Variants in TBC1D19 observed in about 807,000 individuals in gnomAD.
TBC1D19 encodes TBC1 domain family member 19.
TBC1D19 carries 60 observed loss-of-function variants against 89.0 expected under a neutral mutation model. That is an observed-to-expected ratio of 0.67 (90% confidence interval 0.55 to 0.84). The LOEUF (loss-of-function observed/expected upper bound fraction) is 0.84. Ranked by LOEUF, TBC1D19 falls within the 40% of genes least tolerant of loss-of-function variation. The probability of loss-of-function intolerance (pLI) is 0.00; values close to 1 mark genes in which losing one functional copy is unlikely to be tolerated. For synonymous variants in TBC1D19, 189 were observed against 199.7 expected, an observed-to-expected ratio of 0.95 and a Z score of 0.45; for missense variants, 500 against 610.8, an observed-to-expected ratio of 0.82 and a Z score of 1.91.
chr4:26,633,395 T>C (rs1367698067), intron 4 of TBC1D19, among the ~76,000 whole-genome samples: 4 of 152,090 alleles, frequency 2.6e-5, no homozygotes, highest in African/African-American at 4.8e-5. Flanking sequence ...GTGAAGGGCA[T>C]TGTCCAATAT....
At chr4:26,585,598 T>G (rs1739362851) in intron 1 of TBC1D19, among the ~76,000 whole-genome samples, 1 of 152,156 alleles carries the variant, frequency 6.6e-6, no homozygotes, top group African/African-American at 2.4e-5. Flanking sequence ...TATCTTTTTT[T>G]TTTGAGACGG....
rs202038903 is a variant in TBC1D19 at position 26,641,003 on chromosome 4, CT to C, written c.480+817del. Among the ~76,000 whole-genome samples, 49 of 152,366 alleles carry C rather than the reference CT, an allele frequency of 3.2e-4. No homozygotes were observed. In the East Asian group the frequency reaches 6.9e-3, roughly 22 times the overall value. On this transcript the variant is annotated intron_variant, in intron 7 of 20. Transcript: ENST00000264866. Reference sequence around the variant, plus strand: ...CTGAACAAAAGGCAGCAGACAACTTCTGCAGACTTAAAACATCCCTGTCTGT... The same window carrying C: ...CTGAACAAAAGGCAGCAGACAACTTCGCAGACTTAAAACATCCCTGTCTGT...
chr4:26,857,273 CGA>C, the TBC1D19 span, among the ~76,000 whole-genome samples: 11 of 152,192 alleles, frequency 7.2e-5, no homozygotes, highest in African/African-American at 2.7e-4. Context: ...TAGCGTTTGT[CGA>C]GAGTCAGCGG....
At chr4:26,767,023 G>A in the TBC1D19 span, among the ~76,000 whole-genome samples, 2 of 152,046 alleles carry the variant, frequency 1.3e-5, no homozygotes, top group Admixed American at 6.6e-5. Context: ...AAATCTGCGA[G>A]ACCAGGCATG....
the TBC1D19 span, among the ~76,000 whole-genome samples, chr4:26,777,346 G>A: frequency 6.6e-6 from 1 of 152,006 alleles, no homozygotes; most frequent in African/African-American, 2.4e-5. Context: ...TATTGGTCAG[G>A]TTGGTCTCGA....
intron 1 of TBC1D19, among the ~76,000 whole-genome samples, chr4:26,595,420 A>T (rs1740145559): frequency 6.6e-6 from 1 of 152,128 alleles, no homozygotes; most frequent in African/African-American, 2.4e-5. Flanking sequence ...ATTTTAATGA[A>T]GTCTGATTGA....
intron 10 of TBC1D19, among the ~76,000 whole-genome samples, chr4:26,673,475 A>ACAC (rs1560463426): frequency 1.4e-5 from 2 of 148,054 alleles, no homozygotes; most frequent in African/African-American, 2.5e-5. Flanking sequence ...ACACACACAC[A>ACAC]ATACTAGTTT....
the TBC1D19 span, among the ~76,000 whole-genome samples, chr4:26,798,334 A>G: frequency 5.3e-5 from 8 of 152,308 alleles, no homozygotes; most frequent in Admixed American, 4.6e-4. Context: ...AGAAATGCAA[A>G]TTAAGACCAC....
chr4:26,598,544 G>A (rs1036127637), intron 1 of TBC1D19, among the ~76,000 whole-genome samples: 2 of 152,092 alleles, frequency 1.3e-5, no homozygotes, highest in African/African-American at 2.4e-5. Context: ...ACAGGCGCCC[G>A]CCACCACGCC....
rs1373104351 is a variant in TBC1D19, at chr4:26,620,645, C to T, written c.251C>T (p.Pro84Leu). Residue 84 changes from proline to leucine, a missense_variant, in exon 4 of 21, where the codon CCT (proline) becomes CTT (leucine). Physicochemically the swap from Pro to Leu is moderately conservative, Grantham distance 98. This residue lies in a region of TBC1D19 where 280 missense variants were observed against 291.7 expected (regional missense o/e 0.96). Coordinates refer to ENST00000264866, the MANE Select transcript of TBC1D19 (RefSeq NM_018317.4). ...TTACCTAGTCATCCTGCTGCACCTC[C>T]TGAACATCTTAAAGAACCTTTGGTA... ...FPLPSHPAAPPEHLKEPLVYM... is the reference protein window; with the variant it reads ...FPLPSHPAAPLEHLKEPLVYM... 1 of 1,613,612 alleles carries T rather than the reference C, an allele frequency of 6.2e-7. No individual in the cohort carries two copies. Among genetic ancestry groups the T allele is most frequent in the African/African-American group, 1.3e-5 (1 of 74,898 alleles).
intron 7 of TBC1D19, among the ~76,000 whole-genome samples, chr4:26,658,223 T>A (rs2109070632): frequency 6.6e-6 from 1 of 152,376 alleles, no homozygotes; most frequent in Non-Finnish European, 1.5e-5. Flanking sequence ...GTTTTAGGTC[T>A]TATGTTTAAG....
At chr4:26,618,773 G>T (rs1486907112) in intron 3 of TBC1D19, among the ~76,000 whole-genome samples, 1 of 152,186 alleles carries the variant, frequency 6.6e-6, no homozygotes, top group Non-Finnish European at 1.5e-5. Context: ...AAAACAGTCT[G>T]GAAGCGCTTA....
At chr4:26,820,261 A>G in the TBC1D19 span, among the ~76,000 whole-genome samples, 2 of 126,294 alleles carry the variant, frequency 1.6e-5, no homozygotes, top group African/African-American at 2.8e-5. Context: ...AGAGATCACT[A>G]AAACTTATTC....
At chr4:26,691,581 T>C (rs1714296956) in intron 13 of TBC1D19, among the ~76,000 whole-genome samples, 1 of 151,936 alleles carries the variant, frequency 6.6e-6, no homozygotes, top group African/African-American at 2.4e-5. Flanking sequence ...CAGATGGTTA[T>C]TAGCATTTTT....
chr4:26,683,988 G>T lies in TBC1D19; in HGVS notation c.891+239G>T, dbSNP rs576230813. The stretch of plus-strand genomic sequence containing the variant: ...TTCTTTCCTAGTCCTCCTATTTTTT[G>T]ATTAAGATAAGCATTTCTTATATCT... On this transcript the variant is annotated intron_variant, in intron 12 of 20. Coordinates refer to ENST00000264866, the MANE Select transcript of TBC1D19 (RefSeq NM_018317.4). Among the ~76,000 whole-genome samples, 47 of 151,896 alleles carry T rather than the reference G, an allele frequency of 3.1e-4. 2 individuals are homozygous for T. In the South Asian group the frequency reaches 9.1e-3, roughly 30 times the overall value.
chr4:26,749,459 T>C (rs1202913655), intron 19 of TBC1D19, among the ~76,000 whole-genome samples: 2 of 151,148 alleles, frequency 1.3e-5, no homozygotes, highest in Non-Finnish European at 3.0e-5. Context: ...TTTTTTTTTT[T>C]TTTTTTTGAG....
At chr4:26,613,501 G>A (rs187192158) in intron 2 of TBC1D19, among the ~76,000 whole-genome samples, 1 of 152,158 alleles carries the variant, frequency 6.6e-6, no homozygotes. Flanking sequence ...CTCTCTCTTG[G>A]ATACTCTTGT....
At chr4:26,772,889 G>A in the TBC1D19 span, among the ~76,000 whole-genome samples, 3 of 151,976 alleles carry the variant, frequency 2.0e-5, no homozygotes, top group Admixed American at 1.3e-4. Flanking sequence ...GTTTCATTCC[G>A]TGTCTTTGCT....
chr4:26,788,372 C>T, the TBC1D19 span, among the ~76,000 whole-genome samples: 2 of 152,144 alleles, frequency 1.3e-5, no homozygotes, highest in Non-Finnish European at 1.5e-5. Context: ...ATGGGAGGTT[C>T]CCGGATACTC....
Sources: gnomAD v4.1 joint callset for allele counts (sites outside exome capture counted in the v4.1 genomes callset) on GRCh38, gnomAD v4.1.1 for gene constraint, gnomAD v4.1.1 regional missense constraint, MANE v1.5 for transcripts, NCBI Gene and HGNC (gene_info 2026-07-23, HGNC 2026-07-21) for gene names.